Variants in DYNC2H1 observed in about 807,000 individuals in gnomAD.
DYNC2H1 encodes the protein cytoplasmic dynein 2 heavy chain 1.
DYNC2H1 carries 410 observed loss-of-function variants against 570.0 expected under a neutral mutation model. The ratio of observed to expected loss-of-function variants is 0.72; its 90% CI spans 0.66 to 0.78. DYNC2H1 has a LOEUF of 0.78. Among genes scored for constraint, DYNC2H1 ranks in the 30% least tolerant of loss-of-function variants. The pLI, the probability that DYNC2H1 is intolerant of heterozygous loss-of-function variation, is 0.00. For missense variants in DYNC2H1, 4,865 were observed against 5,046.4 expected (o/e 0.96, Z 1.09); for synonymous variants, 1,688 against 1,677.6 (o/e 1.01, Z -0.15).
chr11:103,306,856 T>G (rs1248398863), intron 77 of DYNC2H1, among the ~76,000 whole-genome samples: 2 of 152,118 alleles, frequency 1.3e-5, no homozygotes, highest in African/African-American at 4.8e-5. Flanking sequence ...TTGTGCCAGG[T>G]TCTGGTTACC....
chr11:103,125,201 A>G lies in DYNC2H1; in HGVS notation c.1763A>G (p.Gln588Arg). The G allele has an allele frequency of 6.2e-7, 1 of 1,613,644 alleles. No homozygotes were observed. Among genetic ancestry groups the G allele is most frequent in the Non-Finnish European group, 8.5e-7 (1 of 1,179,740 alleles). Residue 588 changes from glutamine to arginine, a missense_variant, in exon 12 of 89, where the codon CAG becomes CGG. Gln to Arg is a conservative substitution (Grantham distance 43). Around this residue, in one of 5 missense-constraint regions of DYNC2H1, gnomAD observed 1,936 missense variants for 1,962.1 expected, o/e 0.99. Transcript: ENST00000375735. ...RLVILLREVR[Q>R]LSALGFVIPA... The stretch of plus-strand genomic sequence containing the variant: ...GTGATTCTTCTGAGAGAAGTTCGTC[A>G]GCTCTCTGCACTTGGCTTTGTTATT...
chr11:103,161,819 T>A (rs1477950998), intron 29 of DYNC2H1, among the ~76,000 whole-genome samples: 4 of 152,160 alleles, frequency 2.6e-5, no homozygotes, highest in African/African-American at 4.8e-5. Context: ...AGGCCTATTA[T>A]AGGCATATAG....
chr11:103,412,595 T>A (rs1943131733), intron 84 of DYNC2H1, among the ~76,000 whole-genome samples: 2 of 152,218 alleles, frequency 1.3e-5, no homozygotes, highest in South Asian at 4.1e-4. Flanking sequence ...TATACATTTC[T>A]GTGTATTCTA....
chr11:103,329,810 T>A (rs1938685312), intron 82 of DYNC2H1, among the ~76,000 whole-genome samples: 1 of 152,210 alleles, frequency 6.6e-6, no homozygotes, highest in Non-Finnish European at 1.5e-5. Flanking sequence ...TATTTTACAT[T>A]TAAAGCAACT....
In DYNC2H1 at chr11:103,414,450, C is replaced by CTCTACTAAAAATACAAAAA. The variant is rs534281179; in HGVS notation, c.12366+14580_12366+14598dup. ...CCTGACCAACATGGTGAAACCCTGTCTCTACTAAAAATACAAAAATTAGCT... is the reference window on the plus strand; with the variant it reads ...CCTGACCAACATGGTGAAACCCTGTCTCTACTAAAAATACAAAAATCTACTAAAAATACAAAAATTAGCT... On this transcript the variant is annotated intron_variant, in intron 84 of 88. Transcript: ENST00000375735. Among the ~76,000 whole-genome samples, 28 of 152,208 alleles carry CTCTACTAAAAATACAAAAA rather than the reference C, an allele frequency of 1.8e-4. 1 individual carries two copies. The South Asian group carries it at 5.8e-3, about 32-fold the overall frequency.
In DYNC2H1 at chr11:103,259,868, T is replaced by A; in HGVS notation, c.10606-20T>A. 1 of 1,460,544 alleles carries A rather than the reference T, an allele frequency of 6.8e-7. No homozygotes were observed. The highest frequency in any genetic ancestry group is 2.6e-5 in the East Asian group (1 of 38,948). The allele number at this position is 1,460,544 out of a possible 1,614,324, so 90.5% of individuals were successfully genotyped here. A position where few individuals can be genotyped will look rare whatever the true frequency, so the allele number is the denominator to read the frequency against. ...AAATGTTTATAAATTTCCTAATGAA[T>A]TTCCAATTATAATCTACAGGATTCT... On this transcript the variant is annotated intron_variant, in intron 69 of 88. Transcript: ENST00000375735.
chr11:103,166,131 C>G, intron 31 of DYNC2H1, 83 bp downstream of exon 31: 5 of 1,160,188 alleles, frequency 4.3e-6, no homozygotes, highest in Non-Finnish European at 5.8e-6. Flanking sequence ...GTGTTTTTGA[C>G]TGTATATCTG....
intron 63 of DYNC2H1, among the ~76,000 whole-genome samples, chr11:103,238,849 A>G (rs1028283292): frequency 6.6e-5 from 10 of 152,300 alleles, no homozygotes; most frequent in Admixed American, 1.3e-4. Flanking sequence ...CATGTGACCT[A>G]TGTATTTGAG....
Position 103,121,015 on chromosome 11 carries a change from A to G in DYNC2H1, c.1339A>G (p.Arg447Gly). Reference protein sequence around the residue: ...LMLERETLLARLVDSIKDFRL... With the variant: ...LMLERETLLAGLVDSIKDFRL... ...GTTAGAAAGAGAAACTTTACTGGCAAGACTTGTGGACTCAATTAAAGGTAA... is the reference window on the plus strand; with the variant it reads ...GTTAGAAAGAGAAACTTTACTGGCAGGACTTGTGGACTCAATTAAAGGTAA... The change falls in exon 9 of 89, where the codon AGA becomes GGA. Residue 447 changes from arginine (R) to glycine (G), a missense_variant. Physicochemically the swap from Arg to Gly is moderately radical, Grantham distance 125. Transcript: ENST00000375735. 6.3e-7 allele frequency: 1 copy of G among 1,581,158 alleles called. No homozygotes were observed. The highest frequency in any genetic ancestry group is 1.2e-5 in the South Asian group (1 of 83,980).
intron 17 of DYNC2H1, among the ~76,000 whole-genome samples, chr11:103,140,529 A>G (rs923393913): frequency 1.3e-5 from 2 of 152,160 alleles, no homozygotes; most frequent in African/African-American, 4.8e-5. Context: ...TAGAATGTTG[A>G]ATATTGGCCC....
chr11:103,376,236 T>C (rs1414461955), intron 83 of DYNC2H1, among the ~76,000 whole-genome samples: 2 of 152,238 alleles, frequency 1.3e-5, no homozygotes, highest in Non-Finnish European at 2.9e-5. Flanking sequence ...ACTCTTCTCT[T>C]TGTAAATTAC....
intron 82 of DYNC2H1, among the ~76,000 whole-genome samples, chr11:103,355,397 G>A (rs1312136929): frequency 6.6e-6 from 1 of 152,126 alleles, no homozygotes; most frequent in African/African-American, 2.4e-5. Context: ...GGAAATTAGT[G>A]TAAGAGAAAA....
intron 84 of DYNC2H1, chr11:103,406,571 G>A (rs550783393): frequency 6.6e-6 from 1 of 152,078 alleles, no homozygotes; most frequent in South Asian, 2.1e-4. Flanking sequence ...AATAGTGACA[G>A]GGTTGTAGTG....
intron 82 of DYNC2H1, among the ~76,000 whole-genome samples, chr11:103,332,810 T>C (rs1213489203): frequency 1.3e-5 from 2 of 152,130 alleles, no homozygotes. Context: ...GAGATCCCCC[T>C]GGCCAACATG....
At chr11:103,394,040 C>A (rs1050634156) in intron 83 of DYNC2H1, among the ~76,000 whole-genome samples, 4 of 152,124 alleles carry the variant, frequency 2.6e-5, no homozygotes, top group Admixed American at 6.5e-5. Context: ...ACAGCCAAAC[C>A]ATATCAACTC....
intron 87 of DYNC2H1, among the ~76,000 whole-genome samples, chr11:103,457,189 G>A (rs1049693990): frequency 7.2e-5 from 11 of 152,170 alleles, no homozygotes; most frequent in Non-Finnish European, 1.0e-4. Context: ...TAAAAGTAAA[G>A]CACATATAAT....
chr11:103,198,735 C>A (rs1194874744), intron 48 of DYNC2H1, among the ~76,000 whole-genome samples: 1 of 152,098 alleles, frequency 6.6e-6, no homozygotes, highest in Non-Finnish European at 1.5e-5. Context: ...ATTTTCCTTT[C>A]TCCCTTCCTG....
chr11:103,242,727 T>C (rs1259510670), intron 63 of DYNC2H1, among the ~76,000 whole-genome samples: 1 of 152,180 alleles, frequency 6.6e-6, no homozygotes. Flanking sequence ...CACTGGTTTC[T>C]AACTCCCTTT....
intron 84 of DYNC2H1, among the ~76,000 whole-genome samples, chr11:103,429,460 TAAAAA>T (rs35004115): frequency 0.012 from 1,777 of 150,676 alleles, 28 homozygotes; most frequent in African/African-American, 0.035. Context: ...TCTGTACTGA[TAAAAA>T]AAAAAATTGA....
Sources: allele counts gnomAD v4.1 joint callset (sites outside exome capture counted in the v4.1 genomes callset), GRCh38; gene constraint gnomAD v4.1.1; regional missense constraint gnomAD v4.1.1; transcripts MANE v1.5; gene names NCBI Gene and HGNC (gene_info 2026-07-23, HGNC 2026-07-21).